Variants in SHISA8 observed in about 807,000 individuals in gnomAD.
SHISA8 encodes the protein shisa family member 8.
SHISA8 carries 21 observed loss-of-function variants against 21.1 expected under a neutral mutation model. That is an observed-to-expected ratio of 0.99 (90% CI 0.71 to 1.43). The LOEUF is 1.43. Ranked by LOEUF, SHISA8 falls within the 40% of genes most tolerant of loss-of-function variation. SHISA8 has a pLI of 0.00. For missense variants in SHISA8, 535 were observed against 599.1 expected (o/e 0.89, Z 1.12); for synonymous variants, 300 against 291.4 (o/e 1.03, Z -0.30).
Position 41,914,700 on chromosome 22 carries a change from C to T in SHISA8, c.-33G>A, listed in dbSNP as rs2077576025. 10 of 1,014,382 alleles carry T rather than the reference C, an allele frequency of 9.9e-6. No homozygotes were observed. The highest frequency in any genetic ancestry group is 1.2e-5 in the Non-Finnish European group (10 of 849,884). 62.8% of individuals were successfully genotyped at this position (1,014,382 alleles called of 1,614,324 possible). On this transcript the variant is annotated 5_prime_UTR_variant, in exon 1 of 4. An upstream start codon of the reference 5' UTR is lost. Coordinates refer to ENST00000621082, the MANE Select transcript of SHISA8 (RefSeq NM_001207020.3). The surrounding 1 kb of genome is among the most constrained non-coding windows in gnomAD (Gnocchi z 6.8). ...GCGCCTCCCGCTACTGCGCCCGGTG[C>T]ATGGCCGGGCGCCGCGGCTCCCTCC...
Position 41,910,094 on chromosome 22 carries a change from G to C in SHISA8, c.865C>G (p.Arg289Gly). The C allele has an allele frequency of 8.1e-7, 1 of 1,239,464 alleles. No homozygotes were observed. The highest frequency in any genetic ancestry group is 1.0e-6 in the Non-Finnish European group (1 of 994,778). The allele number at this position is 1,239,464 out of a possible 1,614,324, so 76.8% of individuals were successfully genotyped here. The change falls in exon 4 of 4, where the codon CGG becomes GGG. Residue 289 changes from arginine to glycine, a missense_variant. Transcript: ENST00000621082. The surrounding 1 kb of genome is among the most constrained non-coding windows in gnomAD (Gnocchi z 6.8). ...CGCGGAGCCCGCGCCGGGGGTTGCC[G>C]CGGGGACGGCTCGAGGGCGGGGAAA... ...QRFPALEPSP[R>G]QPPARAPRPS...
Position 41,914,586 on chromosome 22 carries a change from A to G in SHISA8, c.82T>C (p.Leu28=). 1 of 1,131,982 alleles carries G rather than the reference A, an allele frequency of 8.8e-7. No homozygotes were observed. Among genetic ancestry groups the G allele is most frequent in the Non-Finnish European group, 1.1e-6 (1 of 926,818 alleles). 70.1% of individuals were successfully genotyped at this position (1,131,982 alleles called of 1,614,324 possible). A position where few individuals can be genotyped will look rare whatever the true frequency, so the allele number is the denominator to read the frequency against. ...CCCGACGGCGGCCGCGCCAGCAGCA[A>G]CGCGAGCCGAAGCGCGAGCGCGAGC... ...LRLALALRLA[L]LLARPPSGRA... Residue 28 remains leucine, a synonymous_variant, in exon 1 of 4, where the codon TTG becomes CTG. Transcript: ENST00000621082. This position sits in a 1 kb window ranked among gnomAD's most constrained non-coding sequence, Gnocchi z 6.8.
At position 41,911,220 on chromosome 22, in the gene SHISA8, G is replaced by T; in HGVS notation, c.660C>A (p.Ser220Arg). ...DGLPRGSPHN[S>R]ADKKRLNNAP... Reference sequence around the variant, plus strand: ...CCCCGCCCGCCACCGACTCACCTGCGCTGTTGTGGGGGGAGCCCCGGGGGA... The same window carrying T: ...CCCCGCCCGCCACCGACTCACCTGCTCTGTTGTGGGGGGAGCCCCGGGGGA... Residue 220 changes from serine (S) to arginine (R), a missense_variant, in exon 2 of 4, where the codon AGC (serine) becomes AGA (arginine). Physicochemically the swap from Ser to Arg is moderately radical, Grantham distance 110. Coordinates refer to ENST00000621082, the MANE Select transcript of SHISA8 (RefSeq NM_001207020.3). The T allele has an allele frequency of 1.6e-6, 2 of 1,281,554 alleles. No homozygotes were observed. The highest frequency in any genetic ancestry group is 2.0e-6 in the Non-Finnish European group (2 of 1,015,952). The allele number at this position is 1,281,554 out of a possible 1,614,324, so 79.4% of individuals were successfully genotyped here. A position where few individuals can be genotyped will look rare whatever the true frequency, so the allele number is the denominator to read the frequency against.
At position 41,910,245 on chromosome 22, in the gene SHISA8, C is replaced by G. The variant is rs1602362149; in HGVS notation, c.812-98G>C. 8.2e-7 allele frequency: 1 copy of G among 1,224,280 alleles called. No individual in the cohort carries two copies. Among genetic ancestry groups the G allele is most frequent in the African/African-American group, 1.6e-5 (1 of 63,674 alleles). The allele number at this position is 1,224,280 out of a possible 1,614,324, so 75.8% of individuals were successfully genotyped here. Reference sequence around the variant, plus strand: ...CCGGGGACTGGGACGGGGACCGGGCCGGGGCGGGCCGGGGGCGGGGCCCGC... The same window carrying G: ...CCGGGGACTGGGACGGGGACCGGGCGGGGGCGGGCCGGGGGCGGGGCCCGC... On this transcript the variant is annotated intron_variant, in intron 3 of 3. Transcript: ENST00000621082. This position sits in a 1 kb window ranked among gnomAD's most constrained non-coding sequence, Gnocchi z 6.8.
chr22:41,910,066 G>A lies in SHISA8; in HGVS notation c.893C>T (p.Pro298Leu). The A allele has an allele frequency of 7.3e-6, 9 of 1,240,686 alleles. No individual in the cohort carries two copies. The highest frequency in any genetic ancestry group is 9.0e-6 in the Non-Finnish European group (9 of 995,308). 76.9% of individuals were successfully genotyped at this position (1,240,686 alleles called of 1,614,324 possible). ...CAGCGGCGCAGGCAAGTCCGGGGAT[G>A]GTCGCGGAGCCCGCGCCGGGGGTTG... ...PRQPPARAPR[P>L]SPDLPAPLDA... The change falls in exon 4 of 4, where the codon CCA (proline) becomes CTA (leucine). Residue 298 changes from proline to leucine, a missense_variant. By Grantham distance (98) the Pro-to-Leu change is moderately conservative. Coordinates refer to ENST00000621082, the MANE Select transcript of SHISA8 (RefSeq NM_001207020.3). The surrounding 1 kb of genome is among the most constrained non-coding windows in gnomAD (Gnocchi z 6.8).
rs1208569561 is a variant in SHISA8, at chr22:41,910,220, CCGGGGACTGGGA to C, written c.812-85_812-74del. 1.1e-5 allele frequency: 14 copies of C among 1,225,380 alleles called. No homozygotes were observed. Among genetic ancestry groups the C allele is most frequent in the Non-Finnish European group, 1.4e-5 (14 of 983,924 alleles). 75.9% of individuals were successfully genotyped at this position (1,225,380 alleles called of 1,614,324 possible). On this transcript the variant is annotated intron_variant, in intron 3 of 3. Coordinates refer to ENST00000621082, the MANE Select transcript of SHISA8 (RefSeq NM_001207020.3). The surrounding 1 kb of genome is among the most constrained non-coding windows in gnomAD (Gnocchi z 6.8). ...CTCAGGACTGGACAAGGGGTCCCGG[CCGGGGACTGGGA>C]CGGGGACCGGGCCGGGGCGGGCCGG...
intron 1 of SHISA8, among the ~76,000 whole-genome samples, chr22:41,913,599 G>T (rs1355902350): frequency 5.9e-5 from 9 of 152,226 alleles, no homozygotes; most frequent in Non-Finnish European, 2.9e-5. Flanking sequence ...CTTCACCTGG[G>T]AGCTGTGGCA....
chr22:41,911,336 G>C lies in SHISA8; in HGVS notation c.544C>G (p.Leu182Val). The C allele has an allele frequency of 8.0e-7, 1 of 1,243,668 alleles. No homozygotes were observed. Among genetic ancestry groups the C allele is most frequent in the Non-Finnish European group, 1.0e-6 (1 of 992,858 alleles). The allele number at this position is 1,243,668 out of a possible 1,614,324, so 77.0% of individuals were successfully genotyped here. The change falls in exon 2 of 4, where the codon CTT becomes GTT. Residue 182 changes from leucine (L) to valine (V), a missense_variant. Transcript: ENST00000621082. Reference protein sequence around the residue: ...RRTVTRALTELLKQPGPQEPL... With the variant: ...RRTVTRALTEVLKQPGPQEPL... ...TCCTGGGGGCCCGGCTGCTTCAGAA[G>C]CTCTGTCAGCGCCCTGCGGGGACAG...
Position 41,909,949 on chromosome 22 carries a change from G to A in SHISA8, c.1010C>T (p.Ala337Val). ...CCGAGCCGTCGGGTGGCTGAGCGGG[G>A]CGGGCCGGGCCGGGCGACTGGAGGT... is the stretch of plus-strand genomic sequence containing the variant. ...AWTSSRPARP[A>V]PLSHPTARAF... Residue 337 changes from alanine (A) to valine (V), a missense_variant, in exon 4 of 4, where the codon GCC becomes GTC. By Grantham distance (64) the Ala-to-Val change is moderately conservative. Transcript: ENST00000621082. The A allele has an allele frequency of 2.7e-6, 4 of 1,489,396 alleles. No individual in the cohort carries two copies. The highest frequency in any genetic ancestry group is 3.6e-6 in the Non-Finnish European group (4 of 1,126,370). The allele number at this position is 1,489,396 out of a possible 1,614,324, so 92.3% of individuals were successfully genotyped here. A position where few individuals can be genotyped will look rare whatever the true frequency, so the allele number is the denominator to read the frequency against.
At chr22:41,911,520 A>G (rs2077553474) in intron 1 of SHISA8, among the ~76,000 whole-genome samples, 171 bp from the exon 2 acceptor site, 1 of 152,144 alleles carries the variant, frequency 6.6e-6, no homozygotes, top group African/African-American at 2.4e-5. Flanking sequence ...AGTATCTGCC[A>G]GCCTCACCTG....
Position 41,910,217 on chromosome 22 carries a change from C to T in SHISA8, c.812-70G>A, listed in dbSNP as rs1287301520. 10 of 1,223,444 alleles carry T rather than the reference C, an allele frequency of 8.2e-6. No homozygotes were observed. Among genetic ancestry groups the T allele is most frequent in the Non-Finnish European group, 1.0e-5 (10 of 983,136 alleles). 75.8% of individuals were successfully genotyped at this position (1,223,444 alleles called of 1,614,324 possible). Reference sequence around the variant, plus strand: ...AAGCTCAGGACTGGACAAGGGGTCCCGGCCGGGGACTGGGACGGGGACCGG... The same window carrying T: ...AAGCTCAGGACTGGACAAGGGGTCCTGGCCGGGGACTGGGACGGGGACCGG... On this transcript the variant is annotated intron_variant, in intron 3 of 3. Transcript: ENST00000621082. This position sits in a 1 kb window ranked among gnomAD's most constrained non-coding sequence, Gnocchi z 6.8.
intron 1 of SHISA8, among the ~76,000 whole-genome samples, chr22:41,912,230 C>T (rs1033401669): frequency 6.6e-6 from 1 of 152,208 alleles, no homozygotes; most frequent in African/African-American, 2.4e-5. Flanking sequence ...ACACCCAGCC[C>T]CCACCCAGCT....
intron 2 of SHISA8, 71 bp downstream of exon 2, chr22:41,911,145 G>T: frequency 8.0e-7 from 1 of 1,246,444 alleles, no homozygotes; most frequent in Non-Finnish European, 1.0e-6. Context: ...CCAGCCGAGG[G>T]ACCGCCTCTC....
rs564083059 is a variant in SHISA8, at chr22:41,911,294, G to A, written c.586C>T (p.Leu196=). ...PGPQEPLPPT[L]GPPLGGCVQV... is the part of the protein sequence containing the mutation. ...ACACAGCCACCCAGGGGTGGGCCCAGGGTGGGAGGCAGTGGCTCCTGGGGG... is the reference window on the plus strand; with the variant it reads ...ACACAGCCACCCAGGGGTGGGCCCAAGGTGGGAGGCAGTGGCTCCTGGGGG... Residue 196 remains leucine (L), a synonymous_variant, in exon 2 of 4, where the codon CTG becomes TTG. Transcript: ENST00000621082. 10 of 1,252,738 alleles carry A rather than the reference G, an allele frequency of 8.0e-6. No homozygotes were observed. Among genetic ancestry groups the A allele is most frequent in the Non-Finnish European group, 1.0e-5 (10 of 997,968 alleles). 77.6% of individuals were successfully genotyped at this position (1,252,738 alleles called of 1,614,324 possible).
Position 41,910,529 on chromosome 22 carries a change from G to T in SHISA8, c.690C>A (p.Pro230=). The T allele has an allele frequency of 8.0e-7, 1 of 1,242,870 alleles. No homozygotes were observed. Among genetic ancestry groups the T allele is most frequent in the Non-Finnish European group, 1.0e-6 (1 of 996,682 alleles). The allele number at this position is 1,242,870 out of a possible 1,614,324, so 77.0% of individuals were successfully genotyped here. ...GGGGCCCCGGGGCGGCCGACCCCCG[G>T]GGCGCGTTGTTGAGGCGCTTCTTGT... is the stretch of plus-strand genomic sequence containing the variant. ...SADKKRLNNA[P]RGSAAPGPPR... is the part of the protein sequence containing the mutation. The change falls in exon 3 of 4, where the codon CCC becomes CCA. Residue 230 remains proline (P), a synonymous_variant. Transcript: ENST00000621082. This position sits in a 1 kb window ranked among gnomAD's most constrained non-coding sequence, Gnocchi z 6.8.
chr22:41,910,534 CGTT>C lies in SHISA8; in HGVS notation c.682_684del (p.Asn228del). ...CCCGGGGCGGCCGACCCCCGGGGCG[CGTT>C]GTTGAGGCGCTTCTTGTCTGGAGCG... On this transcript the variant is annotated inframe_deletion, in exon 3 of 4. Coordinates refer to ENST00000621082, the MANE Select transcript of SHISA8 (RefSeq NM_001207020.3). The surrounding 1 kb of genome is among the most constrained non-coding windows in gnomAD (Gnocchi z 6.8). 7.2e-6 allele frequency: 9 copies of C among 1,241,498 alleles called. No individual in the cohort carries two copies. Among genetic ancestry groups the C allele is most frequent in the Non-Finnish European group, 8.0e-6 (8 of 995,566 alleles). The allele number at this position is 1,241,498 out of a possible 1,614,324, so 76.9% of individuals were successfully genotyped here. A position where few individuals can be genotyped will look rare whatever the true frequency, so the allele number is the denominator to read the frequency against.
intron 1 of SHISA8, among the ~76,000 whole-genome samples, chr22:41,913,459 C>A (rs184942865): frequency 1.2e-4 from 19 of 152,294 alleles, no homozygotes; most frequent in Admixed American, 2.6e-4. Flanking sequence ...TCGTTCCAAC[C>A]GAGGAAGGGG....
intron 1 of SHISA8, among the ~76,000 whole-genome samples, chr22:41,913,046 G>GC (rs1284061526): frequency 2.6e-5 from 4 of 152,276 alleles, no homozygotes; most frequent in Non-Finnish European, 5.9e-5. Context: ...CAGAAGCCAG[G>GC]CCAGGAGGCT....
At chr22:41,912,473 G>A (rs952046154) in intron 1 of SHISA8, among the ~76,000 whole-genome samples, 12 of 152,154 alleles carry the variant, frequency 7.9e-5, no homozygotes, top group Admixed American at 5.9e-4. Context: ...CCTCTCCCCA[G>A]AGGCTCACCT....
Sources: gnomAD v4.1 joint callset for allele counts (sites outside exome capture counted in the v4.1 genomes callset) on GRCh38, gnomAD v4.1.1 for gene constraint, Gnocchi (gnomAD v3.1) non-coding constraint, MANE v1.5 for transcripts, NCBI Gene and HGNC (gene_info 2026-07-23, HGNC 2026-07-21) for gene names.